The following DHX36 variants were observed in gnomAD, a reference collection of about 807,000 sequenced individuals.
DHX36 encodes the protein ATP-dependent DNA/RNA helicase DHX36.
Under a neutral mutation model 139.0 loss-of-function variants are expected in DHX36, and 50 were observed. The ratio of observed to expected loss-of-function variants is 0.36; its 90% confidence interval spans 0.29 to 0.46. The LOEUF (loss-of-function observed/expected upper bound fraction) is 0.46. Among genes scored for constraint, DHX36 ranks in the 20% least tolerant of loss-of-function variants. The pLI is 1.00. For synonymous variants in DHX36, 425 were observed against 401.9 expected (o/e 1.06, Z -0.69); for missense variants, 1,024 against 1,211.3 (o/e 0.85, Z 2.29).
At chr3:154,311,094 G>A (rs1419581773) in intron 4 of DHX36, among the ~76,000 whole-genome samples, 1 of 151,112 alleles carries the variant, frequency 6.6e-6, no homozygotes, top group African/African-American at 2.4e-5. Context: ...ACTTACACTG[G>A]CCTGGGAGGG....
Position 154,292,540 on chromosome 3 carries a change from T to C in DHX36, c.1814+11A>G, listed in dbSNP as rs915499501. On this transcript the variant is annotated intron_variant, in intron 15 of 24. Coordinates refer to ENST00000496811, the MANE Select transcript of DHX36 (RefSeq NM_020865.3). ...GTGTTCTAAAAGCTTTGGACAGAGT[T>C]CCCACCTTACCTTCCAGCTCGACCT... is the stretch of plus-strand genomic sequence containing the variant. 4 of 1,614,074 alleles carry C rather than the reference T, an allele frequency of 2.5e-6. No homozygotes were observed. The highest frequency in any genetic ancestry group is 2.2e-5 in the East Asian group (1 of 44,856).
intron 1 of DHX36, among the ~76,000 whole-genome samples, chr3:154,319,963 T>C (rs1011915678): frequency 2.0e-5 from 3 of 152,182 alleles, no homozygotes; most frequent in Non-Finnish European, 4.4e-5. Flanking sequence ...TGGAAAATGT[T>C]CCACTTCTGA....
Position 154,315,199 on chromosome 3 carries a change from T to G in DHX36, c.450A>C (p.Gln150His). The stretch of plus-strand genomic sequence containing the variant: ...TCCTGATTCTAAACATTTTTTTTTC[T>G]TGATTTATCAACTTCTTTTCCTGGA... ...LDIQEKKLIN[Q>H]EKKMFRIRNR... The change falls in exon 3 of 25, where the codon CAA becomes CAC. Residue 150 changes from glutamine (Q) to histidine (H), a missense_variant. Physicochemically the swap from Gln to His is conservative, Grantham distance 24. Coordinates refer to ENST00000496811, the MANE Select transcript of DHX36 (RefSeq NM_020865.3). The G allele has an allele frequency of 6.2e-7, 1 of 1,613,572 alleles. No homozygotes were observed. Among genetic ancestry groups the G allele is most frequent in the African/African-American group, 1.3e-5 (1 of 75,020 alleles).
chr3:154,322,444 AAAAC>A (rs1316030084), intron 1 of DHX36, among the ~76,000 whole-genome samples: 1 of 152,248 alleles, frequency 6.6e-6, no homozygotes, highest in African/African-American at 2.4e-5. Context: ...GCAAGAACAG[AAAAC>A]AAACAGTGGC....
At chr3:154,284,174 A>T (rs997635464) in intron 19 of DHX36, among the ~76,000 whole-genome samples, 5 of 152,086 alleles carry the variant, frequency 3.3e-5, no homozygotes, top group African/African-American at 9.7e-5. Flanking sequence ...ATGATAATAT[A>T]GATTTTGGTT....
intron 12 of DHX36, among the ~76,000 whole-genome samples, chr3:154,295,755 C>T (rs548345471): frequency 3.0e-4 from 46 of 152,210 alleles, no homozygotes; most frequent in Admixed American, 6.5e-4. Context: ...AACATGAATA[C>T]GTTTGTACAC....
chr3:154,282,532 CTT>C (rs144193167), intron 20 of DHX36, among the ~76,000 whole-genome samples: 1 of 149,464 alleles, frequency 6.7e-6, no homozygotes, highest in Non-Finnish European at 1.5e-5. Flanking sequence ...GCATTCCACT[CTT>C]TTTTTTTTCT....
intron 1 of DHX36, among the ~76,000 whole-genome samples, 166 bp downstream of exon 1, chr3:154,324,008 G>A (rs974312514): frequency 1.3e-5 from 2 of 152,122 alleles, no homozygotes; most frequent in African/African-American, 4.8e-5. Context: ...CTAATGTTAC[G>A]CAGTACACCC....
chr3:154,289,473 G>A (rs1171772473), intron 16 of DHX36, among the ~76,000 whole-genome samples: 1 of 152,154 alleles, frequency 6.6e-6, no homozygotes, highest in East Asian at 1.9e-4. Flanking sequence ...TAGCTTTTCC[G>A]GGGTAGAAGC....
chr3:154,288,147 C>CA (rs34632439), intron 17 of DHX36, among the ~76,000 whole-genome samples: 14,888 of 53,608 alleles, frequency 0.28, 1,972 homozygotes, highest in Non-Finnish European at 0.34. Context: ...GACTCTGTCT[C>CA]AAAAAAAAAA....
At chr3:154,306,609 T>C (rs566210346) in intron 5 of DHX36, among the ~76,000 whole-genome samples, 3 of 152,292 alleles carry the variant, frequency 2.0e-5, no homozygotes, top group Non-Finnish European at 2.9e-5. Flanking sequence ...AGATCTAAAC[T>C]TGTAGAAGTT....
chr3:154,299,512 G>A (rs1712182649), intron 12 of DHX36, among the ~76,000 whole-genome samples: 1 of 151,976 alleles, frequency 6.6e-6, no homozygotes, highest in Non-Finnish European at 1.5e-5. Flanking sequence ...GTGATGATGG[G>A]GTCTAGGTAT....
intron 12 of DHX36, 60 bp from the exon 13 acceptor site, chr3:154,295,399 A>G: frequency 1.3e-6 from 1 of 771,254 alleles, no homozygotes; most frequent in Non-Finnish European, 2.0e-6. Context: ...TCCATCAAAC[A>G]CATATGAGAC....
intron 17 of DHX36, among the ~76,000 whole-genome samples, chr3:154,287,427 T>C (rs774663301): frequency 1.3e-5 from 2 of 152,004 alleles, no homozygotes; most frequent in Non-Finnish European, 2.9e-5. Flanking sequence ...GGCTGAGGTG[T>C]GCGGATCACT....
chr3:154,306,703 T>C (rs1712514382), intron 5 of DHX36, among the ~76,000 whole-genome samples: 1 of 152,186 alleles, frequency 6.6e-6, no homozygotes, highest in Non-Finnish European at 1.5e-5. Flanking sequence ...AATTTCTAGT[T>C]CTTGGTCATG....
rs750288689 is a variant in DHX36, at chr3:154,315,183, T to C, written c.466A>G (p.Arg156Gly). The change falls in exon 3 of 25, where the codon AGA becomes GGA. Residue 156 changes from arginine to glycine, a missense_variant. By Grantham distance (125) the Arg-to-Gly change is moderately radical (BLOSUM62 -2). Transcript: ENST00000496811. The stretch of plus-strand genomic sequence containing the variant: ...TCAATATATGATCTGTTCCTGATTC[T>C]AAACATTTTTTTTTCTTGATTTATC... ...KLINQEKKMF[R>G]IRNRSYIDRD... The C allele has an allele frequency of 1.2e-6, 2 of 1,613,602 alleles. No individual in the cohort carries two copies. The highest frequency in any genetic ancestry group is 1.7e-5 in the Admixed American group (1 of 59,998).
intron 20 of DHX36, among the ~76,000 whole-genome samples, chr3:154,282,347 G>T (rs1719356705): frequency 6.6e-6 from 1 of 152,006 alleles, no homozygotes; most frequent in African/African-American, 2.4e-5. Flanking sequence ...TTGTTTTTAA[G>T]GGGTGTCCAT....
chr3:154,321,393 C>G (rs1219201852), intron 1 of DHX36, among the ~76,000 whole-genome samples: 3 of 152,296 alleles, frequency 2.0e-5, no homozygotes, highest in African/African-American at 4.8e-5. Context: ...AACACACACA[C>G]GTACATTCAC....
At position 154,277,652 on chromosome 3, in the gene DHX36, T is replaced by C. The variant is rs772874182; in HGVS notation, c.2634A>G (p.Gln878=). The change falls in exon 23 of 25, where the codon CAA becomes CAG. Residue 878 remains glutamine (Q), a synonymous_variant. Transcript: ENST00000496811. The part of the protein sequence containing the change: ...AVHPKSVNVE[Q]TDFHYNWLIY... ...TAAGCCAGTTGTAGTGAAAGTCTGT[T>C]TGCTCCACATTAACAGATTTAGGAT... The C allele has an allele frequency of 7.4e-6, 12 of 1,612,458 alleles. No individual in the cohort carries two copies. Among genetic ancestry groups the C allele is most frequent in the Middle Eastern group, 1.6e-4 (1 of 6,072 alleles).
Sources: allele counts gnomAD v4.1 joint callset (sites outside exome capture counted in the v4.1 genomes callset), GRCh38; gene constraint gnomAD v4.1.1; transcripts MANE v1.5; gene names NCBI Gene and HGNC (gene_info 2026-07-23, HGNC 2026-07-21).